The following CSMD1 variants were observed in gnomAD, a reference collection of about 807,000 sequenced individuals.
CSMD1 encodes CUB and sushi domain-containing protein 1.
Under a neutral mutation model 417.5 loss-of-function variants are expected in CSMD1, and 213 were observed. That is an observed-to-expected ratio of 0.51 (90% CI 0.46 to 0.57). The LOEUF is 0.57. Among genes scored for constraint, CSMD1 ranks in the 20% least tolerant of loss-of-function variants. The pLI, the probability that CSMD1 is intolerant of heterozygous loss-of-function variation, is 0.00. For missense variants in CSMD1, 6,923 were observed against 4,529.7 expected, an observed-to-expected ratio of 1.53 and a Z score of -15.17; for synonymous variants, 2,862 against 1,736.8, an observed-to-expected ratio of 1.65 and a Z score of -16.11.
At chr8:4,613,032 G>C (rs776263312) in intron 2 of CSMD1, among the ~76,000 whole-genome samples, 1 of 152,142 alleles carries the variant, frequency 6.6e-6, no homozygotes, top group East Asian at 1.9e-4. Flanking sequence ...GTGTAAGGGG[G>C]CTAGAGGAAC....
intron 25 of CSMD1, among the ~76,000 whole-genome samples, chr8:3,298,152 G>C (rs1483867283): frequency 6.6e-6 from 1 of 152,118 alleles, no homozygotes; most frequent in Non-Finnish European, 1.5e-5. Flanking sequence ...GTGAGGGTAA[G>C]AATAACCACT....
At chr8:4,932,823 T>C (rs1355165739) in intron 1 of CSMD1, among the ~76,000 whole-genome samples, 1 of 152,226 alleles carries the variant, frequency 6.6e-6, no homozygotes, top group Admixed American at 6.5e-5. Context: ...CTGTGCTCCC[T>C]GGTTCAAATT....
chr8:3,517,587 C>G (rs1302124814), intron 10 of CSMD1, among the ~76,000 whole-genome samples: 3 of 152,096 alleles, frequency 2.0e-5, no homozygotes, highest in African/African-American at 7.2e-5. Flanking sequence ...TCTGCAATAC[C>G]AAATACAGGC....
intron 12 of CSMD1, among the ~76,000 whole-genome samples, chr8:3,452,718 C>T (rs529141465): frequency 3.3e-5 from 5 of 152,212 alleles, no homozygotes; most frequent in African/African-American, 1.2e-4. Flanking sequence ...ATTTGGTGTG[C>T]CAGTATTTTA....
chr8:3,176,256 A>C (rs746954518), intron 37 of CSMD1, among the ~76,000 whole-genome samples: 2 of 152,204 alleles, frequency 1.3e-5, no homozygotes, highest in South Asian at 4.1e-4. Flanking sequence ...GCAATTCTTA[A>C]TTAGAGGGAA....
At chr8:4,283,050 ATAGT>A (rs933933626) in intron 3 of CSMD1, among the ~76,000 whole-genome samples, 11 of 152,118 alleles carry the variant, frequency 7.2e-5, no homozygotes, top group Non-Finnish European at 1.5e-4. Flanking sequence ...AAAATGCCTG[ATAGT>A]TAGAAACAGA....
intron 3 of CSMD1, among the ~76,000 whole-genome samples, chr8:4,160,657 T>C (rs781217814): frequency 8.5e-5 from 13 of 152,260 alleles, no homozygotes; most frequent in Non-Finnish European, 1.9e-4. Context: ...TACTTGTGTG[T>C]GCACAGACAC....
intron 27 of CSMD1, among the ~76,000 whole-genome samples, chr8:3,226,581 C>G (rs1347263688): frequency 1.5e-5 from 1 of 67,730 alleles, no homozygotes; most frequent in Non-Finnish European, 3.3e-5. Flanking sequence ...GACTCTGTCT[C>G]AAAAAAAAAA....
intron 3 of CSMD1, among the ~76,000 whole-genome samples, chr8:4,246,321 C>A (rs149769269): frequency 6.6e-6 from 1 of 152,078 alleles, no homozygotes; most frequent in Non-Finnish European, 1.5e-5. Context: ...TTGGCCTCCA[C>A]CTCCATCCAC....
intron 22 of CSMD1, among the ~76,000 whole-genome samples, chr8:3,344,057 T>C (rs550063529): frequency 1.3e-5 from 2 of 152,274 alleles, no homozygotes; most frequent in Admixed American, 6.5e-5. Flanking sequence ...GTATGTGGCA[T>C]TATCTTCCCA....
chr8:4,199,088 C>A (rs1377538370), intron 3 of CSMD1, among the ~76,000 whole-genome samples: 1 of 152,136 alleles, frequency 6.6e-6, no homozygotes, highest in East Asian at 1.9e-4. Context: ...AGAGCCAGCG[C>A]CCAGCTCACC....
intron 3 of CSMD1, among the ~76,000 whole-genome samples, chr8:4,070,450 C>A (rs372560463): frequency 1.3e-5 from 2 of 151,840 alleles, no homozygotes; most frequent in Non-Finnish European, 2.9e-5. Flanking sequence ...CTCCGCCTCC[C>A]GGGTTCACAC....
intron 3 of CSMD1, among the ~76,000 whole-genome samples, chr8:4,176,670 G>C (rs1443998994): frequency 6.6e-6 from 1 of 151,472 alleles, no homozygotes; most frequent in Non-Finnish European, 1.5e-5. Flanking sequence ...TCAGTGTGCT[G>C]TATTCAGGAA....
At chr8:4,033,900 G>A (rs1014420413) in intron 3 of CSMD1, among the ~76,000 whole-genome samples, 11 of 152,112 alleles carry the variant, frequency 7.2e-5, no homozygotes, top group Non-Finnish European at 1.3e-4. Flanking sequence ...ATCATTGTTG[G>A]CTATTGTATC....
chr8:4,063,050 G>C (rs555155021), intron 3 of CSMD1, among the ~76,000 whole-genome samples: 3 of 152,198 alleles, frequency 2.0e-5, no homozygotes, highest in East Asian at 3.9e-4. Context: ...TTGGCTAATA[G>C]GGATAAATAT....
rs372843086 is a variant in CSMD1 at position 4,216,872 on chromosome 8, C to A, written c.416-184773G>T. Among the ~76,000 whole-genome samples the A allele has an allele frequency of 7.9e-5, 12 of 152,304 alleles. 1 individual carries two copies. The East Asian group carries it at 1.9e-3, about 24-fold the overall frequency. On this transcript the variant is annotated intron_variant, in intron 3 of 69. Transcript: ENST00000635120. ...AGACCCACACCAGCTTGACAGTCTCCCTTTTTTCCTTCTTTTCTTGCCCAG... is the reference window on the plus strand; with the variant it reads ...AGACCCACACCAGCTTGACAGTCTCACTTTTTTCCTTCTTTTCTTGCCCAG...
chr8:3,992,429 G>A (rs1219375085), intron 5 of CSMD1, among the ~76,000 whole-genome samples: 1 of 152,096 alleles, frequency 6.6e-6, no homozygotes, highest in African/African-American at 2.4e-5. Context: ...ACAAAAATAA[G>A]TGTTGAGGTG....
intron 20 of CSMD1, among the ~76,000 whole-genome samples, chr8:3,362,286 C>T (rs1389299978): frequency 1.3e-5 from 2 of 152,190 alleles, no homozygotes; most frequent in African/African-American, 4.8e-5. Context: ...TCCCATCCTC[C>T]CTTCCAAGAC....
chr8:3,954,631 G>A (rs564973925), intron 5 of CSMD1, among the ~76,000 whole-genome samples: 214 of 152,346 alleles, frequency 1.4e-3, no homozygotes, highest in Non-Finnish European at 1.5e-3. Flanking sequence ...CAAAGTTTTG[G>A]GATTACAGGC....
Sources: allele counts gnomAD v4.1 joint callset (sites outside exome capture counted in the v4.1 genomes callset), GRCh38; gene constraint gnomAD v4.1.1; transcripts MANE v1.5; gene names NCBI Gene and HGNC (gene_info 2026-07-23, HGNC 2026-07-21).